ZCCHC17: variants seen among roughly 807,000 people sequenced by gnomAD.
The protein encoded by ZCCHC17 is zinc finger CCHC-type containing 17.
ZCCHC17 carries 18 observed loss-of-function variants against 30.6 expected under a neutral mutation model. That is an observed-to-expected ratio of 0.59 (90% CI 0.41 to 0.87). ZCCHC17 has a LOEUF of 0.87. ZCCHC17 is among the 40% of genes least tolerant of loss of function. The pLI is 0.00. For missense variants in ZCCHC17, 263 were observed against 284.2 expected, an observed-to-expected ratio of 0.93 and a Z score of 0.54; for synonymous variants, 88 against 92.4, an observed-to-expected ratio of 0.95 and a Z score of 0.27.
chr1:31,357,970 T>C (rs1639711175), intron 7 of ZCCHC17, among the ~76,000 whole-genome samples: 1 of 152,124 alleles, frequency 6.6e-6, no homozygotes, highest in South Asian at 2.1e-4. Context: ...TTCAGGCTGG[T>C]CTTGAACTCC....
chr1:31,299,156 A>G (rs921142915), intron 1 of ZCCHC17, among the ~76,000 whole-genome samples: 2 of 152,158 alleles, frequency 1.3e-5, no homozygotes, highest in Non-Finnish European at 2.9e-5. Flanking sequence ...AGTATTTTTC[A>G]TAGATCTGAT....
chr1:31,298,377 G>GTTTTTTTTTTTTTTTTTTTT (rs59616986), intron 1 of ZCCHC17, among the ~76,000 whole-genome samples: 1 of 145,632 alleles, frequency 6.9e-6, no homozygotes, highest in Non-Finnish European at 1.5e-5. Flanking sequence ...TTAGAGACCA[G>GTTTTTTTTTTTTTTTTTTTT]TTTTTTTTTG....
At position 31,338,964 on chromosome 1, in the gene ZCCHC17, A is replaced by G. The variant is rs1382478707; in HGVS notation, c.233A>G (p.Asn78Ser). The change falls in exon 5 of 8, where the codon AAT becomes AGT. Residue 78 changes from asparagine (N) to serine (S), a missense_variant. Asn to Ser is a conservative substitution (Grantham distance 46). Transcript: ENST00000344147. The part of the protein sequence containing the change: ...WVKLIGREMK[N>S]DRIKVSLSMK... The stretch of plus-strand genomic sequence containing the variant: ...TTTTTTGGTCTCTTTCAGATGAAAA[A>G]TGATAGAATAAAAGTATCCCTCTCC... 20 of 1,605,712 alleles carry G rather than the reference A, an allele frequency of 1.2e-5. No individual in the cohort carries two copies. Among genetic ancestry groups the G allele is most frequent in the Admixed American group, 1.7e-5 (1 of 57,436 alleles).
At position 31,348,970 on chromosome 1, in the gene ZCCHC17, A is replaced by G. The variant is rs1639373390; in HGVS notation, c.560A>G (p.Lys187Arg). The stretch of plus-strand genomic sequence containing the variant: ...ACAAGGAATCCTTCTAGAAAAAGAA[A>G]GAAGGTGAATGCTACTTTGCTTTTA... ...DPTRNPSRKRKKEKKKKKHRD... is the reference protein window; with the variant it reads ...DPTRNPSRKRRKEKKKKKHRD... The change falls in exon 7 of 8, where the codon AAG (lysine) becomes AGG (arginine). Residue 187 changes from lysine to arginine, a missense_variant. Physicochemically the swap from Lys to Arg is conservative, Grantham distance 26. Transcript: ENST00000344147. The G allele has an allele frequency of 3.8e-6, 6 of 1,572,434 alleles. No individual in the cohort carries two copies. Among genetic ancestry groups the G allele is most frequent in the South Asian group, 1.2e-5 (1 of 84,206 alleles).
At chr1:31,339,960 CTTTTTTTT>C (rs36008834) in intron 5 of ZCCHC17, among the ~76,000 whole-genome samples, 8 of 90,422 alleles carry the variant, frequency 8.8e-5, no homozygotes, top group Admixed American at 1.4e-4. Context: ...TCTTGGATTT[CTTTTTTTT>C]TTTTTTTTTT....
At chr1:31,300,775 A>G (rs1232690767) in intron 1 of ZCCHC17, among the ~76,000 whole-genome samples, 1 of 151,974 alleles carries the variant, frequency 6.6e-6, no homozygotes, top group Non-Finnish European at 1.5e-5. Context: ...GTCTCTACTA[A>G]AAATATAAAA....
At chr1:31,311,344 A>G (rs143613389) in intron 2 of ZCCHC17, among the ~76,000 whole-genome samples, 52 of 152,240 alleles carry the variant, frequency 3.4e-4, no homozygotes, top group African/African-American at 1.2e-3. Flanking sequence ...TGCTCTCACA[A>G]TGTTGTTTGT....
chr1:31,356,690 A>T (rs1280462211), intron 7 of ZCCHC17, among the ~76,000 whole-genome samples: 3 of 152,202 alleles, frequency 2.0e-5, no homozygotes, highest in Non-Finnish European at 4.4e-5. Flanking sequence ...AGAATAACAG[A>T]TCTTCCTAAC....
intron 7 of ZCCHC17, among the ~76,000 whole-genome samples, chr1:31,357,090 T>G (rs547722766): frequency 1.3e-5 from 2 of 152,322 alleles, no homozygotes; most frequent in East Asian, 3.9e-4. Flanking sequence ...ATAGTAAACT[T>G]TAGATATGTT....
At chr1:31,297,807 C>T (rs1051962533) in intron 1 of ZCCHC17, among the ~76,000 whole-genome samples, 3 of 152,180 alleles carry the variant, frequency 2.0e-5, no homozygotes, top group Admixed American at 1.3e-4. Context: ...GAAGTGAAGG[C>T]AGAACCTTCC....
chr1:31,320,294 T>C (rs1646831602), intron 3 of ZCCHC17, among the ~76,000 whole-genome samples: 1 of 152,262 alleles, frequency 6.6e-6, no homozygotes, highest in South Asian at 2.1e-4. Flanking sequence ...ATTCCATTTA[T>C]ATAACATTCT....
intron 1 of ZCCHC17, among the ~76,000 whole-genome samples, chr1:31,300,863 G>A (rs1646294117): frequency 6.6e-6 from 1 of 151,856 alleles, no homozygotes; most frequent in Non-Finnish European, 1.5e-5. Context: ...TTGAACCTGG[G>A]AGGAGGTTGC....
intron 1 of ZCCHC17, among the ~76,000 whole-genome samples, chr1:31,301,877 C>A (rs1362715645): frequency 6.6e-6 from 1 of 152,172 alleles, no homozygotes; most frequent in African/African-American, 2.4e-5. Context: ...ATCTATCTTA[C>A]ATGGTCACTC....
At chr1:31,345,023 TA>T (rs1383919204) in intron 5 of ZCCHC17, among the ~76,000 whole-genome samples, 3 of 144,678 alleles carry the variant, frequency 2.1e-5, no homozygotes, top group African/African-American at 5.7e-5. Context: ...CATGCCTGGC[TA>T]TTTTTTTTTT....
intron 1 of ZCCHC17, among the ~76,000 whole-genome samples, chr1:31,308,451 A>G (rs745406120): frequency 2.0e-5 from 3 of 152,262 alleles, no homozygotes; most frequent in Non-Finnish European, 4.4e-5. Context: ...TACCAAAATC[A>G]GGACATCAAG....
At chr1:31,323,234 A>G (rs1014003136) in intron 3 of ZCCHC17, among the ~76,000 whole-genome samples, 1 of 152,238 alleles carries the variant, frequency 6.6e-6, no homozygotes, top group Non-Finnish European at 1.5e-5. Context: ...CAATGCCAGC[A>G]TCCTGGTTGT....
intron 7 of ZCCHC17, among the ~76,000 whole-genome samples, chr1:31,354,834 G>T (rs1639586332): frequency 6.6e-6 from 1 of 152,146 alleles, no homozygotes; most frequent in African/African-American, 2.4e-5. Context: ...TAGAGGAATG[G>T]TCTGATGAAC....
intron 2 of ZCCHC17, chr1:31,318,310 C>A: frequency 7.9e-7 from 1 of 1,261,344 alleles, no homozygotes; most frequent in Non-Finnish European, 1.1e-6. Context: ...ACAACATTAC[C>A]CTCGATCCAC....
intron 1 of ZCCHC17, among the ~76,000 whole-genome samples, chr1:31,307,871 G>A (rs1298801828): frequency 1.3e-5 from 2 of 152,202 alleles, no homozygotes; most frequent in South Asian, 2.1e-4. Context: ...CACTGCACCT[G>A]GCCTATGACC....
Sources: gnomAD v4.1 joint callset for allele counts (sites outside exome capture counted in the v4.1 genomes callset) on GRCh38, gnomAD v4.1.1 for gene constraint, MANE v1.5 for transcripts, NCBI Gene and HGNC (gene_info 2026-07-23, HGNC 2026-07-21) for gene names.